Variants in GRM8 observed in about 807,000 individuals in gnomAD.
GRM8 encodes the protein glutamate metabotropic receptor 8.
GRM8 carries 47 observed loss-of-function variants against 87.2 expected under a neutral mutation model. The ratio of observed to expected loss-of-function variants is 0.54; its 90% CI spans 0.43 to 0.69. The LOEUF (loss-of-function observed/expected upper bound fraction) is 0.69, where lower values mean the gene tolerates loss of function less well. Among genes scored for constraint, GRM8 ranks in the 30% least tolerant of loss-of-function variants. GRM8 has a pLI of 0.00. For synonymous variants in GRM8, 396 were observed against 404.5 expected (o/e 0.98, Z 0.25); for missense variants, 1,019 against 1,139.2 (o/e 0.89, Z 1.52).
chr7:126,460,379 T>C (rs1803761881), intron 9 of GRM8, among the ~76,000 whole-genome samples: 1 of 151,606 alleles, frequency 6.6e-6, no homozygotes, highest in Admixed American at 6.6e-5. Flanking sequence ...GATTCAATTA[T>C]TTGTGGTAAT....
At chr7:126,859,266 T>C (rs1379903027) in intron 6 of GRM8, among the ~76,000 whole-genome samples, 1 of 152,172 alleles carries the variant, frequency 6.6e-6, no homozygotes, top group Non-Finnish European at 1.5e-5. Flanking sequence ...TAAACGTGAA[T>C]AGATAAAAGT....
At chr7:126,684,291 A>T (rs1451474406) in intron 7 of GRM8, among the ~76,000 whole-genome samples, 1 of 152,182 alleles carries the variant, frequency 6.6e-6, no homozygotes, top group African/African-American at 2.4e-5. Context: ...CCAAGGACTC[A>T]GCTTCAGGAA....
chr7:126,652,769 T>C (rs1300822660), intron 7 of GRM8, among the ~76,000 whole-genome samples: 1 of 152,190 alleles, frequency 6.6e-6, no homozygotes, highest in Non-Finnish European at 1.5e-5. Context: ...AGTTAATTCC[T>C]TAATAAACTC....
intron 3 of GRM8, among the ~76,000 whole-genome samples, chr7:126,966,385 T>C (rs1809864947): frequency 6.6e-6 from 1 of 152,170 alleles, no homozygotes; most frequent in African/African-American, 2.4e-5. Flanking sequence ...TCCGCCTGCC[T>C]CAGCCTCCCA....
At chr7:126,505,249 T>G (rs1230871604) in intron 9 of GRM8, among the ~76,000 whole-genome samples, 1 of 152,098 alleles carries the variant, frequency 6.6e-6, no homozygotes, top group Non-Finnish European at 1.5e-5. Context: ...TCTGTAGGCT[T>G]ATAATAAATC....
intron 9 of GRM8, among the ~76,000 whole-genome samples, chr7:126,498,886 G>T (rs1367642830): frequency 6.6e-6 from 1 of 151,900 alleles, no homozygotes; most frequent in East Asian, 1.9e-4. Flanking sequence ...TTGTTAATTA[G>T]ATGAAATCAA....
chr7:126,500,134 T>C (rs2150690587), intron 9 of GRM8, among the ~76,000 whole-genome samples: 1 of 152,090 alleles, frequency 6.6e-6, no homozygotes, highest in Middle Eastern at 3.4e-3. Context: ...TTATTAACTA[T>C]AGTCACCTTG....
At chr7:127,035,185 T>C (rs1563436537) in intron 3 of GRM8, among the ~76,000 whole-genome samples, 1 of 152,174 alleles carries the variant, frequency 6.6e-6, no homozygotes, top group Non-Finnish European at 1.5e-5. Context: ...TTTCCCACTG[T>C]GGGGCAGAAT....
At chr7:126,853,536 C>G (rs1477058200) in intron 6 of GRM8, among the ~76,000 whole-genome samples, 1 of 152,096 alleles carries the variant, frequency 6.6e-6, no homozygotes, top group African/African-American at 2.4e-5. Flanking sequence ...ACAATTGAAC[C>G]AAGTCGTTTT....
chr7:126,497,597 C>T (rs1019749365), intron 9 of GRM8, among the ~76,000 whole-genome samples: 1 of 151,904 alleles, frequency 6.6e-6, no homozygotes, highest in African/African-American at 2.4e-5. Flanking sequence ...ATGTCCTTGC[C>T]CCATTTCTGT....
chr7:127,125,865 A>G (rs1201705712), intron 2 of GRM8, among the ~76,000 whole-genome samples: 2 of 152,092 alleles, frequency 1.3e-5, no homozygotes, highest in East Asian at 3.9e-4. Context: ...GCCAACAGAC[A>G]TTTGAAAAAA....
chr7:126,450,124 C>T (rs1304800621), intron 9 of GRM8, among the ~76,000 whole-genome samples: 1 of 151,808 alleles, frequency 6.6e-6, no homozygotes, highest in African/African-American at 2.4e-5. Flanking sequence ...TCAAGGTCTA[C>T]TCAACGTAGG....
intron 3 of GRM8, among the ~76,000 whole-genome samples, chr7:126,915,044 C>T (rs931890645): frequency 6.6e-6 from 1 of 152,184 alleles, no homozygotes; most frequent in African/African-American, 2.4e-5. Flanking sequence ...GGAGGTGGAT[C>T]GGGTCTAGGT....
intron 2 of GRM8, among the ~76,000 whole-genome samples, chr7:127,169,546 GC>G (rs1793663330): frequency 6.6e-6 from 1 of 152,204 alleles, no homozygotes. Flanking sequence ...ATTGATGAAG[GC>G]AGCTACACTA....
intron 3 of GRM8, among the ~76,000 whole-genome samples, chr7:127,044,699 G>A (rs905260571): frequency 3.3e-5 from 5 of 152,072 alleles, no homozygotes; most frequent in African/African-American, 9.7e-5. Flanking sequence ...CAGGCTGAGG[G>A]CAATATAATG....
rs945088675 is a variant in GRM8, at chr7:126,957,340, C to T, written c.728-52657G>A. ...AGCAGCCTGTCTGGAGCAGCTGTGG[C>T]AGGGACACCAGCTGAGTGGGGAAGG... On this transcript the variant is annotated intron_variant, in intron 3 of 10. Coordinates refer to ENST00000339582, the MANE Select transcript of GRM8 (RefSeq NM_000845.3). Among the ~76,000 whole-genome samples, 9 of 152,210 alleles carry T rather than the reference C, an allele frequency of 5.9e-5. 1 individual carries two copies. Among genetic ancestry groups the T allele is most frequent in the Admixed American group, 5.2e-4 (8 of 15,288 alleles).
Position 126,949,369 on chromosome 7 carries a change from T to C in GRM8, c.728-44686A>G, listed in dbSNP as rs139645757. Among the ~76,000 whole-genome samples, 137 of 152,310 alleles carry C rather than the reference T, an allele frequency of 9.0e-4. 2 individuals are homozygous for C. The highest frequency in any genetic ancestry group is 3.1e-3 in the African/African-American group (129 of 41,564). ...GCATTTCTTAGATTCTTATGAAGCATATTTAGGTTAAGATAAATAAAATAT... is the reference window on the plus strand; with the variant it reads ...GCATTTCTTAGATTCTTATGAAGCACATTTAGGTTAAGATAAATAAAATAT... On this transcript the variant is annotated intron_variant, in intron 3 of 10. Coordinates refer to ENST00000339582, the MANE Select transcript of GRM8 (RefSeq NM_000845.3).
chr7:126,766,116 T>C (rs193173369), intron 7 of GRM8, among the ~76,000 whole-genome samples: 5 of 152,168 alleles, frequency 3.3e-5, no homozygotes, highest in Non-Finnish European at 5.9e-5. Context: ...GTCAATTAAA[T>C]GATACACTGG....
Position 127,101,069 on chromosome 7 carries a change from T to C in GRM8, c.727+5427A>G, listed in dbSNP as rs190888875. Among the ~76,000 whole-genome samples, 4 of 152,350 alleles carry C rather than the reference T, an allele frequency of 2.6e-5. No homozygotes were observed. In the South Asian group the frequency reaches 6.2e-4, roughly 24 times the overall value. ...CATTTTACTGTCTCTTTTCTGTTTA[T>C]GGTACCTGCCTTTTCCTAGTTGCCC... is the stretch of plus-strand genomic sequence containing the variant. On this transcript the variant is annotated intron_variant, in intron 3 of 10. Transcript: ENST00000339582.
Sources: gnomAD v4.1 joint callset for allele counts (sites outside exome capture counted in the v4.1 genomes callset) on GRCh38, gnomAD v4.1.1 for gene constraint, MANE v1.5 for transcripts, NCBI Gene and HGNC (gene_info 2026-07-23, HGNC 2026-07-21) for gene names.